The following PRB2 variants were observed in gnomAD, a reference collection of about 807,000 sequenced individuals.
PRB2 encodes the protein basic salivary proline-rich protein 2.
Under a neutral mutation model 8.3 loss-of-function variants are expected in PRB2, and 12 were observed. The observed-to-expected ratio is 1.45, with a 90% CI of 0.93 to 2.35. PRB2 has a LOEUF of 2.35. Among genes scored for constraint, PRB2 ranks in the 30% most tolerant of loss-of-function variants. The pLI is 0.00. For synonymous variants in PRB2, 146 were observed against 180.0 expected (o/e 0.81, Z 1.51); for missense variants, 470 against 507.0 (o/e 0.93, Z 0.70).
Position 11,393,922 on chromosome 12 carries a change from A to G in PRB2, c.156T>C (p.Ser52=), listed in dbSNP as rs755039510. 2.7e-5 allele frequency: 39 copies of G among 1,464,700 alleles called. No individual in the cohort carries two copies. Among genetic ancestry groups the G allele is most frequent in the Non-Finnish European group, 5.5e-6 (6 of 1,094,996 alleles). 90.7% of individuals were successfully genotyped at this position (1,464,700 alleles called of 1,614,324 possible). Residue 52 remains serine (S), a synonymous_variant, in exon 3 of 4, where the codon TCT becomes TCC. Transcript: ENST00000389362. ...QGGNKPQGPP[S]PPGKPQGPPP... Reference sequence around the variant, plus strand: ...GTGGTCCTTGTGGCTTTCCTGGAGGAGATGGGGGACCTTGAGGTTTGTTGC... The same window carrying G: ...GTGGTCCTTGTGGCTTTCCTGGAGGGGATGGGGGACCTTGAGGTTTGTTGC...
At chr12:11,391,772 AC>A (rs1300186579) in intron 3 of PRB2, 124 bp from the exon 4 acceptor site, 3 of 213,038 alleles carry the variant, frequency 1.4e-5, no homozygotes, top group Non-Finnish European at 2.8e-5. Context: ...TATCCCTTCT[AC>A]CTCCTGTGTT....
Position 11,394,015 on chromosome 12 carries a change from G to A in PRB2, c.101-38C>T, listed in dbSNP as rs772952031. The A allele has an allele frequency of 3.7e-6, 6 of 1,612,658 alleles. No homozygotes were observed. The East Asian group carries it at 6.7e-5, about 18-fold the overall frequency. On this transcript the variant is annotated intron_variant, in intron 2 of 3. Transcript: ENST00000389362. Reference sequence around the variant, plus strand: ...GAGAGAAGAGAAAGACAGAGTAAAAGCCCATACAAGATTCCCTGAATAGTT... The same window carrying A: ...GAGAGAAGAGAAAGACAGAGTAAAAACCCATACAAGATTCCCTGAATAGTT...
rs1183153189 is a variant in PRB2, at chr12:11,392,948, G to C, written c.1130C>G (p.Pro377Arg). The change falls in exon 3 of 4, where the codon CCT (proline) becomes CGT (arginine). Residue 377 changes from proline (P) to arginine (R), a missense_variant. Pro to Arg is a moderately radical substitution (Grantham distance 103). Coordinates refer to ENST00000389362, the MANE Select transcript of PRB2 (RefSeq NM_006248.4). ...TCCTGCTGGAGGTGGGGGACCTTGA[G>C]GATTGTTGCCTTCTTGTTGGGGTGG... ...QGPPQQEGNN[P>R]QGPPPPAGGN... The C allele has an allele frequency of 5.0e-6, 8 of 1,611,144 alleles. No individual in the cohort carries two copies. The highest frequency in any genetic ancestry group is 3.3e-5 in the Admixed American group (2 of 59,786).
In PRB2 at chr12:11,393,012, A is replaced by T. The variant is rs1383248350; in HGVS notation, c.1066T>A (p.Ser356Thr). Residue 356 changes from serine (S) to threonine (T), a missense_variant, in exon 3 of 4, where the codon TCC (serine) becomes ACC (threonine). By Grantham distance (58) the Ser-to-Thr change is moderately conservative. Coordinates refer to ENST00000389362, the MANE Select transcript of PRB2 (RefSeq NM_006248.4). ...QGPPPQGGSK[S>T]RSARSPPGKP... ...CCTGGAGGAGATCGGGCACTTCGGGACTTGCTGCCTCCTTGTGGGGGTGGT... is the reference window on the plus strand; with the variant it reads ...CCTGGAGGAGATCGGGCACTTCGGGTCTTGCTGCCTCCTTGTGGGGGTGGT... 5 of 1,601,234 alleles carry T rather than the reference A, an allele frequency of 3.1e-6. No homozygotes were observed. Among genetic ancestry groups the T allele is most frequent in the Non-Finnish European group, 4.2e-6 (5 of 1,176,700 alleles).
intron 1 of PRB2, among the ~76,000 whole-genome samples, chr12:11,395,092 G>A (rs371234815): frequency 6.6e-6 from 1 of 152,030 alleles, no homozygotes; most frequent in African/African-American, 2.4e-5. Flanking sequence ...CGCCGTCATC[G>A]ATGCTGATGC....
In PRB2 at chr12:11,393,497, G is replaced by A. The variant is rs763746143; in HGVS notation, c.581C>T (p.Pro194Leu). ...TTGTGGCTTTCCTGGAGGAGGTGGG[G>A]GACCTTGGGGCTGGTTGCCTCCTTG... is the stretch of plus-strand genomic sequence containing the variant. The part of the protein sequence containing the change: ...PPQGGNQPQG[P>L]PPPPGKPQGP... The change falls in exon 3 of 4, where the codon CCC becomes CTC. Residue 194 changes from proline to leucine, a missense_variant. Pro to Leu is a moderately conservative substitution (Grantham distance 98). This residue lies in a region of PRB2 where 37 missense variants were observed against 66.0 expected (regional missense o/e 0.56). Coordinates refer to ENST00000389362, the MANE Select transcript of PRB2 (RefSeq NM_006248.4). 4 of 1,490,656 alleles carry A rather than the reference G, an allele frequency of 2.7e-6. No homozygotes were observed. The highest frequency in any genetic ancestry group is 3.6e-6 in the Non-Finnish European group (4 of 1,118,748). The allele number at this position is 1,490,656 out of a possible 1,614,324, so 92.3% of individuals were successfully genotyped here.
chr12:11,394,071 G>C, intron 2 of PRB2, 94 bp from the exon 3 acceptor site: 1 of 1,505,174 alleles, frequency 6.6e-7, no homozygotes, highest in South Asian at 1.2e-5. Context: ...TGGGTAACAA[G>C]CTGAGTGGGG....
rs746956891 is a variant in PRB2, at chr12:11,393,812, G to A, written c.266C>T (p.Pro89Leu). The change falls in exon 3 of 4, where the codon CCT (proline) becomes CTT (leucine). Residue 89 changes from proline (P) to leucine (L), a missense_variant. Around this residue, in one of 4 missense-constraint regions of PRB2, gnomAD observed 211 missense variants for 207.7 expected, o/e 1.02. Coordinates refer to ENST00000389362, the MANE Select transcript of PRB2 (RefSeq NM_006248.4). ...QGPPPQGGNK[P>L]QGPPPPGKPQ... ...CTTTCCTGGAGGTGGGGGACCTTGA[G>A]GTTTGTTGCCTCCTTGTGGGGGTGG... is the stretch of plus-strand genomic sequence containing the variant. The A allele has an allele frequency of 1.3e-6, 2 of 1,515,930 alleles. No individual in the cohort carries two copies. The highest frequency in any genetic ancestry group is 1.5e-5 in the African/African-American group (1 of 65,950). The allele number at this position is 1,515,930 out of a possible 1,614,324, so 93.9% of individuals were successfully genotyped here.
At position 11,393,107 on chromosome 12, in the gene PRB2, T is replaced by A. The variant is rs1864341366; in HGVS notation, c.971A>T (p.Lys324Met). The A allele has an allele frequency of 6.7e-7, 1 of 1,494,868 alleles. No individual in the cohort carries two copies. Among genetic ancestry groups the A allele is most frequent in the Admixed American group, 1.9e-5 (1 of 53,120 alleles). The allele number at this position is 1,494,868 out of a possible 1,614,324, so 92.6% of individuals were successfully genotyped here. The change falls in exon 3 of 4, where the codon AAG becomes ATG. Residue 324 changes from lysine (K) to methionine (M), a missense_variant. By Grantham distance (95) the Lys-to-Met change is moderately conservative (BLOSUM62 -1). Coordinates refer to ENST00000389362, the MANE Select transcript of PRB2 (RefSeq NM_006248.4). ...TCCTTGTGGGGGTGGTCCTTGTGGC[T>A]TTCCTGGAGGAGGTGGGGGACCTTG... Reference protein sequence around the residue: ...QPQGPPPPPGKPQGPPPQGGN... With the variant: ...QPQGPPPPPGMPQGPPPQGGN...
At chr12:11,394,468 A>T (rs1592226642) in intron 2 of PRB2, 27 bp downstream of exon 2, 1 of 1,609,976 alleles carries the variant, frequency 6.2e-7, no homozygotes, top group East Asian at 2.2e-5. Flanking sequence ...GACAGTCAGA[A>T]CAGATTGAGA....
rs369465728 is a variant in PRB2, at chr12:11,395,510, G to A, written c.20C>T (p.Ser7Leu). MLLILL[S>L]VALLALSSAQ... is the part of the protein sequence containing the mutation. ...TGAGCTCAGGGCCAGCAAGGCCACT[G>A]ACAGCAGAATCAACAGCATCTTGCA... is the stretch of plus-strand genomic sequence containing the variant. The change falls in exon 1 of 4, where the codon TCA becomes TTA. Residue 7 changes from serine (S) to leucine (L), a missense_variant. By Grantham distance (145) the Ser-to-Leu change is moderately radical. Coordinates refer to ENST00000389362, the MANE Select transcript of PRB2 (RefSeq NM_006248.4). 82 of 1,613,314 alleles carry A rather than the reference G, an allele frequency of 5.1e-5. 1 individual carries two copies. The African/African-American group carries it at 1.0e-3, about 20-fold the overall frequency.
Position 11,395,559 on chromosome 12 carries a change from C to T in PRB2, c.-30G>A, listed in dbSNP as rs748087300. The T allele has an allele frequency of 4.4e-6, 7 of 1,603,468 alleles. No individual in the cohort carries two copies. Among genetic ancestry groups the T allele is most frequent in the Non-Finnish European group, 6.0e-6 (7 of 1,171,532 alleles). On this transcript the variant is annotated 5_prime_UTR_variant, in exon 1 of 4. Coordinates refer to ENST00000389362, the MANE Select transcript of PRB2 (RefSeq NM_006248.4). The stretch of plus-strand genomic sequence containing the variant: ...CAGGAGGCTCTGGAGTCACTCCCAA[C>T]TCTGTGCTGGGAGGAACGTGGCAAC...
Sources: gnomAD v4.1 joint callset for allele counts (sites outside exome capture counted in the v4.1 genomes callset) on GRCh38, gnomAD v4.1.1 for gene constraint, gnomAD v4.1.1 regional missense constraint, MANE v1.5 for transcripts, NCBI Gene and HGNC (gene_info 2026-07-23, HGNC 2026-07-21) for gene names.